The following CLNK variants were observed in gnomAD, a reference collection of about 807,000 sequenced individuals.
CLNK encodes the protein cytokine-dependent hematopoietic cell linker.
CLNK carries 74 observed loss-of-function variants against 68.6 expected under a neutral mutation model. The observed-to-expected ratio is 1.08, with a 90% confidence interval of 0.89 to 1.31. The LOEUF is 1.31. CLNK is among the 50% of genes most tolerant of loss of function. The pLI is 0.00. For missense variants in CLNK, 553 were observed against 515.3 expected (o/e 1.07, Z -0.71); for synonymous variants, 198 against 172.2 (o/e 1.15, Z -1.17).
chr4:10,721,951 C>A, the CLNK span, among the ~76,000 whole-genome samples: 1 of 152,218 alleles, frequency 6.6e-6, no homozygotes, highest in South Asian at 2.1e-4. Flanking sequence ...ACAAGGCTGG[C>A]AGATCACTTG....
intron 12 of CLNK, among the ~76,000 whole-genome samples, chr4:10,528,906 C>G (rs796300748): frequency 5.3e-5 from 8 of 152,230 alleles, no homozygotes; most frequent in African/African-American, 1.9e-4. Flanking sequence ...CAAACATTTT[C>G]TTTCTCTTTC....
At chr4:10,623,010 C>G (rs1722521997) in intron 2 of CLNK, among the ~76,000 whole-genome samples, 1 of 152,144 alleles carries the variant, frequency 6.6e-6, no homozygotes, top group South Asian at 2.1e-4. Flanking sequence ...GTCCCCACCT[C>G]TAAATACTAT....
intron 2 of CLNK, among the ~76,000 whole-genome samples, chr4:10,652,749 C>T (rs1219189092): frequency 2.0e-5 from 3 of 152,168 alleles, no homozygotes; most frequent in African/African-American, 2.4e-5. Context: ...AATGCCTGGT[C>T]TTTTAATAAT....
At chr4:10,622,258 A>T (rs1722486164) in intron 2 of CLNK, among the ~76,000 whole-genome samples, 1 of 152,156 alleles carries the variant, frequency 6.6e-6, no homozygotes, top group African/African-American at 2.4e-5. Context: ...ACTGATGGAG[A>T]AATTGAGGCT....
chr4:10,680,231 G>A (rs369384255), intron 1 of CLNK, among the ~76,000 whole-genome samples: 7 of 151,998 alleles, frequency 4.6e-5, no homozygotes, highest in Non-Finnish European at 1.0e-4. Context: ...CATGGATGAA[G>A]CTGGAAACCA....
intron 17 of CLNK, among the ~76,000 whole-genome samples, chr4:10,502,255 C>G (rs561346982): frequency 6.6e-6 from 1 of 152,254 alleles, no homozygotes; most frequent in South Asian, 2.1e-4. Flanking sequence ...TATAATCAGG[C>G]GGAAGGCGAA....
intron 11 of CLNK, among the ~76,000 whole-genome samples, chr4:10,536,753 G>A (rs1000345283): frequency 8.6e-5 from 13 of 152,044 alleles, no homozygotes; most frequent in Non-Finnish European, 1.5e-4. Context: ...AAGAGATCCA[G>A]CACAATTCTC....
At chr4:10,658,056 G>C (rs111551050) in intron 2 of CLNK, among the ~76,000 whole-genome samples, 1 of 152,072 alleles carries the variant, frequency 6.6e-6, no homozygotes, top group African/African-American at 2.4e-5. Flanking sequence ...TGTTCCTCAA[G>C]GTCAGCTCAC....
chr4:10,669,548 G>A (rs1198966603), intron 1 of CLNK, among the ~76,000 whole-genome samples: 1 of 152,194 alleles, frequency 6.6e-6, no homozygotes, highest in East Asian at 1.9e-4. Context: ...AACTGGAAGG[G>A]TTGGTAGCTG....
intron 4 of CLNK, among the ~76,000 whole-genome samples, chr4:10,574,233 C>G (rs1462969576): frequency 1.3e-5 from 2 of 152,182 alleles, no homozygotes; most frequent in Non-Finnish European, 2.9e-5. Flanking sequence ...CTCAGCACAA[C>G]CTGCCCCACC....
intron 1 of CLNK, among the ~76,000 whole-genome samples, chr4:10,671,808 T>C (rs1452190893): frequency 6.6e-6 from 1 of 152,308 alleles, no homozygotes; most frequent in African/African-American, 2.4e-5. Flanking sequence ...AAGGAAATAA[T>C]GTATACCCTG....
chr4:10,657,002 C>T (rs988737453), intron 2 of CLNK, among the ~76,000 whole-genome samples: 5 of 152,156 alleles, frequency 3.3e-5, no homozygotes, highest in East Asian at 1.9e-4. Context: ...GTTCTAGATG[C>T]TGTTTTAAAT....
At chr4:10,727,607 C>T in the CLNK span, among the ~76,000 whole-genome samples, 2 of 152,328 alleles carry the variant, frequency 1.3e-5, no homozygotes, top group South Asian at 2.1e-4. Flanking sequence ...GCCTGCAGTG[C>T]CATTCCTGGG....
the CLNK span, among the ~76,000 whole-genome samples, chr4:10,727,715 C>T: frequency 0.14 from 21,024 of 152,160 alleles, 1,554 homozygotes; most frequent in South Asian, 0.23. Flanking sequence ...TGGAGACAGC[C>T]AAGCTGTCCA....
intron 4 of CLNK, 33 bp from the exon 5 acceptor site, chr4:10,571,811 A>G: frequency 1.3e-6 from 2 of 1,580,274 alleles, no homozygotes; most frequent in South Asian, 1.1e-5. Context: ...TGTTATTTTA[A>G]TCACTGTGGT....
At chr4:10,660,712 G>A (rs1724161643) in intron 2 of CLNK, among the ~76,000 whole-genome samples, 1 of 152,146 alleles carries the variant, frequency 6.6e-6, no homozygotes. Flanking sequence ...TGGTAATCTT[G>A]CCAGTAAGAG....
chr4:10,640,705 A>G (rs750664685), intron 2 of CLNK, among the ~76,000 whole-genome samples: 1 of 152,228 alleles, frequency 6.6e-6, no homozygotes, highest in Non-Finnish European at 1.5e-5. Context: ...CACTAGTGTG[A>G]GCTGTTACTA....
rs532009515 is a variant in CLNK at position 10,600,536 on chromosome 4, T to A, written c.12-2487A>T. ...AAATGCCCTGTACATGCATTCATTA[T>A]GCATGTACATGTCCATATCCCCTTG... On this transcript the variant is annotated intron_variant, in intron 2 of 18. Coordinates refer to ENST00000226951, the MANE Select transcript of CLNK (RefSeq NM_052964.4). 2.6e-5 allele frequency among the ~76,000 whole-genome samples: 4 copies of A among 152,316 alleles called. No individual in the cohort carries two copies. In the South Asian group the frequency reaches 8.3e-4, roughly 32 times the overall value.
At chr4:10,678,596 G>T (rs549998064) in intron 1 of CLNK, among the ~76,000 whole-genome samples, 36 of 152,092 alleles carry the variant, frequency 2.4e-4, no homozygotes, top group Non-Finnish European at 4.7e-4. Flanking sequence ...CCTTAAAATA[G>T]AACTTCTTCA....
Sources: gnomAD v4.1 joint callset for allele counts (sites outside exome capture counted in the v4.1 genomes callset) on GRCh38, gnomAD v4.1.1 for gene constraint, MANE v1.5 for transcripts, NCBI Gene and HGNC (gene_info 2026-07-23, HGNC 2026-07-21) for gene names.